The following RBM19 variants were observed in gnomAD, a reference collection of about 807,000 sequenced individuals.
The protein encoded by RBM19 is RNA binding motif protein 19.
RBM19 carries 94 observed loss-of-function variants against 116.8 expected under a neutral mutation model. The ratio of observed to expected loss-of-function variants is 0.80; its 90% CI spans 0.68 to 0.95. The LOEUF is 0.95. RBM19 is among the 40% of genes least tolerant of loss of function. The pLI, the probability that RBM19 is intolerant of heterozygous loss-of-function variation, is 0.00. For missense variants in RBM19, 1,161 were observed against 1,220.7 expected (o/e 0.95, Z 0.73); for synonymous variants, 475 against 494.1 (o/e 0.96, Z 0.51).
rs563633670 is a variant in RBM19, at chr12:113,906,682, C to T, written c.2558+8287G>A. Among the ~76,000 whole-genome samples the T allele has an allele frequency of 2.9e-4, 44 of 152,188 alleles. No homozygotes were observed. The East Asian group carries it at 4.5e-3, about 15-fold the overall frequency. On this transcript the variant is annotated intron_variant, in intron 21 of 23. Transcript: ENST00000261741. Reference sequence around the variant, plus strand: ...GGCATTTACTGTCTCTGGATCTGCACGTGCTCACTCCTTCACAACCCAGGT... The same window carrying T: ...GGCATTTACTGTCTCTGGATCTGCATGTGCTCACTCCTTCACAACCCAGGT...
rs1874471499 is a variant in RBM19, at chr12:113,822,274, G to A, written c.*950C>T. 1 of 152,274 alleles carries A rather than the reference G, an allele frequency of 6.6e-6. No homozygotes were observed. The highest frequency in any genetic ancestry group is 1.5e-5 in the Non-Finnish European group (1 of 68,062). The allele number at this position is 152,274 out of a possible 1,614,324, so 9.4% of individuals were successfully genotyped here. ...GTTCTTGCTCTGCCCTCTCCGTCTTGCCCTCTGCCTGGTGCTGGCACAGGC... is the reference window on the plus strand; with the variant it reads ...GTTCTTGCTCTGCCCTCTCCGTCTTACCCTCTGCCTGGTGCTGGCACAGGC... On this transcript the variant is annotated 3_prime_UTR_variant, in exon 24 of 24. Coordinates refer to ENST00000261741, the MANE Select transcript of RBM19 (RefSeq NM_016196.4).
chr12:113,920,936 T>C (rs1868503754), intron 18 of RBM19, among the ~76,000 whole-genome samples: 1 of 152,186 alleles, frequency 6.6e-6, no homozygotes. Context: ...ATGACTGACA[T>C]GATAATTAAC....
At chr12:113,876,619 C>T (rs1009872287) in intron 21 of RBM19, among the ~76,000 whole-genome samples, 10 of 151,756 alleles carry the variant, frequency 6.6e-5, no homozygotes, top group African/African-American at 2.2e-4. Context: ...GGTGAAACCC[C>T]GTCTGTACCA....
intron 8 of RBM19, among the ~76,000 whole-genome samples, chr12:113,951,754 A>C (rs1326220626): frequency 6.6e-6 from 1 of 152,186 alleles, no homozygotes; most frequent in Non-Finnish European, 1.5e-5. Flanking sequence ...GAAATGCAGA[A>C]ACATGACAGT....
At chr12:113,956,168 G>C (rs376003055) in intron 6 of RBM19, among the ~76,000 whole-genome samples, 96 of 152,202 alleles carry the variant, frequency 6.3e-4, no homozygotes, top group African/African-American at 1.4e-3. Flanking sequence ...TACAATTTTG[G>C]GGGGGAAGAA....
At chr12:113,841,900 T>C (rs190978460) in intron 23 of RBM19, among the ~76,000 whole-genome samples, 1 of 152,270 alleles carries the variant, frequency 6.6e-6, no homozygotes, top group East Asian at 1.9e-4. Flanking sequence ...ATGATGCCGG[T>C]GTGAGGATGG....
intron 23 of RBM19, among the ~76,000 whole-genome samples, chr12:113,827,578 G>A (rs1874987072): frequency 6.6e-6 from 1 of 152,126 alleles, no homozygotes; most frequent in African/African-American, 2.4e-5. Flanking sequence ...TTTTGTTCTG[G>A]AAGCAGACGT....
Position 113,945,847 on chromosome 12 carries a change from T to C in RBM19, c.1607A>G (p.Lys536Arg), listed in dbSNP as rs1490055376. The change falls in exon 13 of 24, where the codon AAG becomes AGG. Residue 536 changes from lysine (K) to arginine (R), a missense_variant. Transcript: ENST00000261741. Reference sequence around the variant, plus strand: ...ACTCACGTGGTCAAACACTTGACTCTTGGTGGCGTTGTACTTCTGTGCGAT... The same window carrying C: ...ACTCACGTGGTCAAACACTTGACTCCTGGTGGCGTTGTACTTCTGTGCGAT... The part of the protein sequence containing the change: ...DAIAQKYNAT[K>R]SQVFDHETKG... 6.4e-7 allele frequency: 1 copy of C among 1,572,790 alleles called. No individual in the cohort carries two copies. Among genetic ancestry groups the C allele is most frequent in the Non-Finnish European group, 8.8e-7 (1 of 1,142,526 alleles).
intron 21 of RBM19, among the ~76,000 whole-genome samples, chr12:113,878,825 T>G: frequency 1.2e-5 from 1 of 82,094 alleles, no homozygotes. Flanking sequence ...GCCAAAGAAT[T>G]GAAAAAAAAA....
chr12:113,926,770 TGC>T (rs1418672445), intron 17 of RBM19, among the ~76,000 whole-genome samples: 1 of 152,206 alleles, frequency 6.6e-6, no homozygotes, highest in East Asian at 1.9e-4. Flanking sequence ...AAACAACTAC[TGC>T]CTTCATATTA....
chr12:113,928,193 C>T lies in RBM19; in HGVS notation c.2069-964G>A, dbSNP rs149920666. Among the ~76,000 whole-genome samples, 1,358 of 151,964 alleles carry T rather than the reference C, an allele frequency of 8.9e-3. 25 individuals are homozygous for T. The highest frequency in any genetic ancestry group is 0.029 in the African/African-American group (1,210 of 41,428). On this transcript the variant is annotated intron_variant, in intron 16 of 23. Transcript: ENST00000261741. ...CTCCACTAAAAACACAAAAATTAGCCGGGCATGGTGGTGGGCACCTATGAT... is the reference window on the plus strand; with the variant it reads ...CTCCACTAAAAACACAAAAATTAGCTGGGCATGGTGGTGGGCACCTATGAT...
Position 113,957,911 on chromosome 12 carries a change from A to G in RBM19, c.711T>C (p.Asp237=). Residue 237 remains aspartate (D), a synonymous_variant, in exon 6 of 24, where the codon GAT becomes GAC. Transcript: ENST00000261741. ...EESEDEAVHC[D]EGSEAEEEDS... is the part of the protein sequence containing the mutation. ...CCTCTTCCTCGGCCTCACTCCCTTC[A>G]TCACAGTGCACGGCTTCATCTTCAC... The G allele has an allele frequency of 3.1e-6, 5 of 1,614,130 alleles. No individual in the cohort carries two copies. Among genetic ancestry groups the G allele is most frequent in the Non-Finnish European group, 4.2e-6 (5 of 1,180,018 alleles).
chr12:113,861,952 T>C (rs1278951584), intron 21 of RBM19, among the ~76,000 whole-genome samples: 1 of 152,182 alleles, frequency 6.6e-6, no homozygotes, highest in East Asian at 1.9e-4. Flanking sequence ...ACAAAGACTC[T>C]AGAAGCTTCA....
At chr12:113,883,706 TG>T (rs35806435) in intron 21 of RBM19, among the ~76,000 whole-genome samples, 14,728 of 152,334 alleles carry the variant, frequency 0.097, 945 homozygotes, top group Non-Finnish European at 0.15. Context: ...CAGGTCTGTC[TG>T]GTTTCTGAGT....
intron 21 of RBM19, among the ~76,000 whole-genome samples, chr12:113,912,201 G>A (rs1276265792): frequency 6.6e-6 from 1 of 152,154 alleles, no homozygotes; most frequent in Admixed American, 6.5e-5. Flanking sequence ...TCCAGCAGGC[G>A]GGGTAGCTTG....
intron 23 of RBM19, among the ~76,000 whole-genome samples, chr12:113,837,871 G>A (rs1876107074): frequency 6.6e-6 from 1 of 152,192 alleles, no homozygotes; most frequent in Non-Finnish European, 1.5e-5. Context: ...TTAGTGAAAA[G>A]ATGTATAACA....
rs1389453287 is a variant in RBM19, at chr12:113,822,949, C to T, written c.*275G>A. On this transcript the variant is annotated 3_prime_UTR_variant, in exon 24 of 24. Transcript: ENST00000261741. ...TCCCAAGTCTCTCTTCCTAACGTGG[C>T]TGCTCCCTTGGACTCTTCCGTGTCT... The T allele has an allele frequency of 5.2e-6, 2 of 384,882 alleles. No individual in the cohort carries two copies. The highest frequency in any genetic ancestry group is 9.4e-6 in the Non-Finnish European group (2 of 212,022). 23.8% of individuals were successfully genotyped at this position (384,882 alleles called of 1,614,324 possible).
At chr12:113,956,236 G>A (rs996681075) in intron 6 of RBM19, among the ~76,000 whole-genome samples, 1 of 152,148 alleles carries the variant, frequency 6.6e-6, no homozygotes, top group African/African-American at 2.4e-5. Flanking sequence ...GAAGAAGAAA[G>A]GGAAAAGAGG....
At chr12:113,942,099 T>C (rs943748520) in intron 14 of RBM19, among the ~76,000 whole-genome samples, 2 of 151,796 alleles carry the variant, frequency 1.3e-5, no homozygotes, top group African/African-American at 4.8e-5. Flanking sequence ...AACTGTGGGG[T>C]TGTAGGCAGA....
Sources: gnomAD v4.1 joint callset for allele counts (sites outside exome capture counted in the v4.1 genomes callset) on GRCh38, gnomAD v4.1.1 for gene constraint, MANE v1.5 for transcripts, NCBI Gene and HGNC (gene_info 2026-07-23, HGNC 2026-07-21) for gene names.